The following SFXN5 variants were observed in gnomAD, a reference collection of about 807,000 sequenced individuals.
SFXN5 encodes the protein sideroflexin 5.
SFXN5 carries 43 observed loss-of-function variants against 50.2 expected under a neutral mutation model. The ratio of observed to expected loss-of-function variants is 0.86; its 90% CI spans 0.67 to 1.11. SFXN5 has a LOEUF of 1.11. Ranked by LOEUF, SFXN5 falls within the 50% of genes least tolerant of loss-of-function variation. The probability of loss-of-function intolerance (pLI) is 0.00; values close to 1 mark genes in which losing one functional copy is unlikely to be tolerated. For missense variants in SFXN5, 463 were observed against 454.1 expected (o/e 1.02, Z -0.18); for synonymous variants, 203 against 185.8 (o/e 1.09, Z -0.75).
Position 72,961,241 on chromosome 2 carries a change from G to A in SFXN5, c.835C>T (p.Leu279Phe), listed in dbSNP as rs145338549. Residue 279 changes from leucine (L) to phenylalanine (F), a missense_variant, in exon 13 of 14, where the codon CTC becomes TTC. Transcript: ENST00000272433. This position sits in a 1 kb window ranked among gnomAD's most constrained non-coding sequence, Gnocchi z 4.4. ...IVMSMLEKTA[L>F]LQARPRLLLP... ...AGCAGCCGGGGGCGTGCCTGCAGGAGAGCCGTCCTGTGAGGGAGAGAGGAG... is the reference window on the plus strand; with the variant it reads ...AGCAGCCGGGGGCGTGCCTGCAGGAAAGCCGTCCTGTGAGGGAGAGAGGAG... 2.0e-4 allele frequency: 303 copies of A among 1,530,788 alleles called. No individual in the cohort carries two copies. Among genetic ancestry groups the A allele is most frequent in the Admixed American group, 6.2e-4 (28 of 45,216 alleles). The allele number at this position is 1,530,788 out of a possible 1,614,324, so 94.8% of individuals were successfully genotyped here. A position where few individuals can be genotyped will look rare whatever the true frequency, so the allele number is the denominator to read the frequency against.
chr2:72,961,279 G>T lies in SFXN5; in HGVS notation c.828-31C>A, dbSNP rs750458314. The T allele has an allele frequency of 3.0e-5, 44 of 1,453,312 alleles. No homozygotes were observed. Among genetic ancestry groups the T allele is most frequent in the Non-Finnish European group, 3.7e-5 (41 of 1,099,908 alleles). The allele number at this position is 1,453,312 out of a possible 1,614,324, so 90.0% of individuals were successfully genotyped here. A position where few individuals can be genotyped will look rare whatever the true frequency, so the allele number is the denominator to read the frequency against. ...AGGGAGAGAGGAGGGAGCCCCATGA[G>T]ACCCGAAGGTGGGGTGGGCTGGCTG... On this transcript the variant is annotated intron_variant, in intron 12 of 13. Coordinates refer to ENST00000272433, the MANE Select transcript of SFXN5 (RefSeq NM_144579.3). This position sits in a 1 kb window ranked among gnomAD's most constrained non-coding sequence, Gnocchi z 4.4.
At chr2:72,959,089 T>C (rs575950090) in intron 13 of SFXN5, among the ~76,000 whole-genome samples, 72 of 152,188 alleles carry the variant, frequency 4.7e-4, no homozygotes, top group African/African-American at 1.7e-3. Flanking sequence ...CCAGGAGCCC[T>C]CACCTCTCCT....
At chr2:73,069,339 G>C (rs931523386) in intron 1 of SFXN5, among the ~76,000 whole-genome samples, 1 of 152,092 alleles carries the variant, frequency 6.6e-6, no homozygotes, top group Non-Finnish European at 1.5e-5. Context: ...GAGATGGGTG[G>C]ACTTGAGAGC....
rs555735491 is a variant in SFXN5 at position 72,943,997 on chromosome 2, T to C, written c.*1025A>G. 4 of 152,406 alleles carry C rather than the reference T, an allele frequency of 2.6e-5. No individual in the cohort carries two copies. In the South Asian group the frequency reaches 6.2e-4, roughly 24 times the overall value. 9.4% of individuals were successfully genotyped at this position (152,406 alleles called of 1,614,324 possible). A position where few individuals can be genotyped will look rare whatever the true frequency, so the allele number is the denominator to read the frequency against. On this transcript the variant is annotated 3_prime_UTR_variant, in exon 14 of 14. Transcript: ENST00000272433. ...TCCTAGGTTGATGCTGCTTCTCTGA[T>C]AGGTGTCTAAGGAGCTGGCCTAGGC...
At position 72,973,933 on chromosome 2, in the gene SFXN5, G is replaced by A. The variant is rs1326856927; in HGVS notation, c.626-2248C>T. On this transcript the variant is annotated intron_variant, in intron 10 of 13. Coordinates refer to ENST00000272433, the MANE Select transcript of SFXN5 (RefSeq NM_144579.3). This position sits in a 1 kb window ranked among gnomAD's most constrained non-coding sequence, Gnocchi z 5.5. The stretch of plus-strand genomic sequence containing the variant: ...TCAATCCTAGCCCTCTGATGACGCT[G>A]TCCACCATACCACCACCACCGCCAC... Among the ~76,000 whole-genome samples, 1 of 152,172 alleles carries A rather than the reference G, an allele frequency of 6.6e-6. No homozygotes were observed. The highest frequency in any genetic ancestry group is 1.5e-5 in the Non-Finnish European group (1 of 68,020).
At chr2:73,034,197 G>T (rs1464837949) in intron 3 of SFXN5, among the ~76,000 whole-genome samples, 1 of 152,136 alleles carries the variant, frequency 6.6e-6, no homozygotes, top group African/African-American at 2.4e-5. Context: ...ACCTCCTACT[G>T]ATCACTTGCC....
chr2:73,020,191 T>C (rs756924473), intron 6 of SFXN5, 48 bp downstream of exon 6: 2 of 1,570,350 alleles, frequency 1.3e-6, no homozygotes, highest in East Asian at 2.2e-5. Context: ...AAGTTAGACA[T>C]TTAAAATAAT....
chr2:73,044,741 A>G (rs1446121000), intron 2 of SFXN5: 1 of 152,400 alleles, frequency 6.6e-6, no homozygotes, highest in African/African-American at 2.4e-5. Flanking sequence ...GCTGCTTACC[A>G]AACACTACTC....
intron 6 of SFXN5, among the ~76,000 whole-genome samples, chr2:73,013,103 C>G (rs1453952729): frequency 6.6e-6 from 1 of 152,096 alleles, no homozygotes; most frequent in African/African-American, 2.4e-5. Context: ...CATTTGACAG[C>G]TGGGATATGC....
intron 2 of SFXN5, among the ~76,000 whole-genome samples, chr2:73,043,159 G>A (rs1231599848): frequency 1.3e-5 from 2 of 152,256 alleles, no homozygotes; most frequent in Non-Finnish European, 2.9e-5. Flanking sequence ...AGGTCCAGAT[G>A]AGGGACCCAG....
chr2:72,988,958 A>G (rs4527230), intron 9 of SFXN5, among the ~76,000 whole-genome samples: 51,877 of 151,686 alleles, frequency 0.34, 11,008 homozygotes, highest in African/African-American at 0.59. Context: ...AGGATGCCAG[A>G]CACCCCACCC....
intron 13 of SFXN5, among the ~76,000 whole-genome samples, chr2:72,947,199 C>T (rs141879955): frequency 1.3e-4 from 20 of 152,338 alleles, no homozygotes; most frequent in South Asian, 4.1e-4. Flanking sequence ...GGATCTGTCT[C>T]GCCCCTGTGT....
rs1429850655 is a variant in SFXN5 at position 73,052,362 on chromosome 2, G to GTA, written c.171+6165_171+6166insTA. ...AGAGTGTGTGTGTGTGTGTATGCGT[G>GTA]TGTGTGTGTGTGTGTGTGTGTGTGT... On this transcript the variant is annotated intron_variant, in intron 2 of 13. Coordinates refer to ENST00000272433, the MANE Select transcript of SFXN5 (RefSeq NM_144579.3). 7.0e-3 allele frequency among the ~76,000 whole-genome samples: 623 copies of GTA among 89,072 alleles called. 1 individual carries two copies. Among genetic ancestry groups the GTA allele is most frequent in the African/African-American group, 0.027 (291 of 10,806 alleles). 58.4% of individuals were successfully genotyped at this position (89,072 alleles called of 152,430 possible).
chr2:73,009,901 G>A, intron 6 of SFXN5, among the ~76,000 whole-genome samples: 1 of 152,180 alleles, frequency 6.6e-6, no homozygotes, highest in East Asian at 1.9e-4. Context: ...CCTTGTGAAT[G>A]GAAGACAGTG....
In SFXN5 at chr2:72,981,994, T is replaced by TGC. The variant is rs1465725852; in HGVS notation, c.625+6263_625+6264insGC. On this transcript the variant is annotated intron_variant, in intron 10 of 13. Transcript: ENST00000272433. ...GTGTGTGTGTGTGTGTGTGTGTGTGTGTGCGTGCCATTTTGAACATCTAAC... is the reference window on the plus strand; with the variant it reads ...GTGTGTGTGTGTGTGTGTGTGTGTGTGCGTGCGTGCCATTTTGAACATCTAAC... Among the ~76,000 whole-genome samples, 9 of 143,000 alleles carry TGC rather than the reference T, an allele frequency of 6.3e-5. 1 individual carries two copies. The highest frequency in any genetic ancestry group is 2.2e-4 in the East Asian group (1 of 4,582). 93.8% of individuals were successfully genotyped at this position (143,000 alleles called of 152,430 possible).
At chr2:73,035,493 CTT>C (rs761321478) in intron 3 of SFXN5, among the ~76,000 whole-genome samples, 34 of 101,836 alleles carry the variant, frequency 3.3e-4, no homozygotes, top group African/African-American at 1.4e-3. Context: ...GTATCGCAAT[CTT>C]TTTTTTTTTT....
At chr2:73,050,012 C>T (rs1160232257) in intron 2 of SFXN5, 1 of 150,022 alleles carries the variant, frequency 6.7e-6, no homozygotes, top group Non-Finnish European at 1.5e-5. Context: ...CTCAGTAAAT[C>T]TAAAATCCAA....
intron 9 of SFXN5, chr2:72,998,603 C>T: frequency 3.6e-6 from 1 of 274,716 alleles, no homozygotes; most frequent in Non-Finnish European, 6.9e-6. Context: ...TCAGAGGCAT[C>T]CCCCCACCCC....
At chr2:73,046,423 A>C (rs902039530) in intron 2 of SFXN5, among the ~76,000 whole-genome samples, 13 of 151,932 alleles carry the variant, frequency 8.6e-5, no homozygotes, top group Non-Finnish European at 1.8e-4. Flanking sequence ...AAAAAAAAAA[A>C]AGTAATATGT....
Sources: gnomAD v4.1 joint callset for allele counts (sites outside exome capture counted in the v4.1 genomes callset) on GRCh38, gnomAD v4.1.1 for gene constraint, Gnocchi (gnomAD v3.1) non-coding constraint, MANE v1.5 for transcripts, NCBI Gene and HGNC (gene_info 2026-07-23, HGNC 2026-07-21) for gene names.